KCNQ5: variants seen among roughly 807,000 people sequenced by gnomAD.
KCNQ5 encodes potassium voltage-gated channel subfamily Q member 5, also known as potassium voltage-gated channel subfamily KQT member 5.
In KCNQ5, 30 loss-of-function variants were observed where a neutral mutation model predicts 98.2. The observed-to-expected ratio is 0.31, with a 90% confidence interval of 0.23 to 0.41. The LOEUF (loss-of-function observed/expected upper bound fraction) is 0.41, where lower values mean the gene tolerates loss of function less well. Among genes scored for constraint, KCNQ5 ranks in the 10% least tolerant of loss-of-function variants. The pLI, the probability that KCNQ5 is intolerant of heterozygous loss-of-function variation, is 1.00. For missense variants in KCNQ5, 835 were observed against 1,182.5 expected (o/e 0.71, Z 4.31); for synonymous variants, 458 against 449.4 (o/e 1.02, Z -0.24).
chr6:73,118,182 C>T (rs1434781273), intron 7 of KCNQ5, among the ~76,000 whole-genome samples: 2 of 152,204 alleles, frequency 1.3e-5, no homozygotes, highest in Non-Finnish European at 2.9e-5. Flanking sequence ...TGTACCCCTT[C>T]GCAATCACTA....
chr6:72,754,081 G>C (rs1450519833), intron 1 of KCNQ5, among the ~76,000 whole-genome samples: 1 of 152,034 alleles, frequency 6.6e-6, no homozygotes, highest in African/African-American at 2.4e-5. Context: ...GGAATAATGA[G>C]AGCATTCTTG....
chr6:73,031,693 G>A (rs977132144), intron 2 of KCNQ5, among the ~76,000 whole-genome samples: 11 of 152,194 alleles, frequency 7.2e-5, no homozygotes, highest in Non-Finnish European at 4.4e-5. Flanking sequence ...CCTCGAGGGT[G>A]ACAGAACACA....
chr6:72,712,843 T>A (rs1026764825), intron 1 of KCNQ5, among the ~76,000 whole-genome samples: 1 of 152,206 alleles, frequency 6.6e-6, no homozygotes, highest in Non-Finnish European at 1.5e-5. Flanking sequence ...ATAATTAAGA[T>A]TCAGATGAGC....
At chr6:72,962,281 ATG>A (rs1160114192) in intron 1 of KCNQ5, among the ~76,000 whole-genome samples, 41 of 146,792 alleles carry the variant, frequency 2.8e-4, no homozygotes, top group African/African-American at 8.5e-4. Flanking sequence ...ATATATATAT[ATG>A]GGAGCTAAGC....
intron 1 of KCNQ5, among the ~76,000 whole-genome samples, chr6:72,932,571 C>T (rs1340007588): frequency 6.6e-6 from 1 of 152,058 alleles, no homozygotes; most frequent in Non-Finnish European, 1.5e-5. Flanking sequence ...TAAAAACAAA[C>T]TTTAAAGAGA....
At position 73,139,889 on chromosome 6, in the gene KCNQ5, G is replaced by A. The variant is rs565038406; in HGVS notation, c.1468+6248G>A. ...TTGGTGACTCCTTCTTCCTTCTGAA[G>A]TTAATAACTAACCCAGTCTCACCTA... On this transcript the variant is annotated intron_variant, in intron 10 of 13. Coordinates refer to ENST00000370398, the MANE Select transcript of KCNQ5 (RefSeq NM_019842.4). Among the ~76,000 whole-genome samples the A allele has an allele frequency of 2.2e-3, 341 of 152,144 alleles. 1 individual carries two copies. The highest frequency in any genetic ancestry group is 9.1e-3 in the South Asian group (44 of 4,822).
chr6:73,083,412 A>G (rs1295338078), intron 5 of KCNQ5, among the ~76,000 whole-genome samples: 1 of 152,192 alleles, frequency 6.6e-6, no homozygotes, highest in African/African-American at 2.4e-5. Flanking sequence ...TATGTGGGGG[A>G]AAAATCTTAA....
intron 1 of KCNQ5, among the ~76,000 whole-genome samples, chr6:72,933,892 A>AT (rs1765789934): frequency 1.3e-5 from 2 of 152,128 alleles, no homozygotes; most frequent in African/African-American, 2.4e-5. Context: ...ATCTCATAGA[A>AT]TTTTTTTCTT....
chr6:73,045,275 A>G (rs576476211), intron 3 of KCNQ5, among the ~76,000 whole-genome samples: 2 of 152,240 alleles, frequency 1.3e-5, no homozygotes, highest in South Asian at 4.1e-4. Context: ...ATAAGGGAAG[A>G]AATAAATCTA....
Position 72,805,123 on chromosome 6 carries a change from C to T in KCNQ5, c.398+182536C>T, listed in dbSNP as rs534347003. ...TCTCCCATTCTGTGGGTTGTCTCTT[C>T]ACTTTGTTGATTGTTTCCCTTGCTG... On this transcript the variant is annotated intron_variant, in intron 1 of 13. Coordinates refer to ENST00000370398, the MANE Select transcript of KCNQ5 (RefSeq NM_019842.4). Among the ~76,000 whole-genome samples the T allele has an allele frequency of 3.2e-4, 48 of 152,158 alleles. No individual in the cohort carries two copies. The South Asian group carries it at 1.0e-2, about 32-fold the overall frequency.
intron 1 of KCNQ5, among the ~76,000 whole-genome samples, chr6:72,836,387 T>A (rs1473095019): frequency 6.6e-6 from 1 of 152,182 alleles, no homozygotes; most frequent in Non-Finnish European, 1.5e-5. Flanking sequence ...TTATTGTATT[T>A]ATTAGAGCAA....
At chr6:72,754,503 T>C (rs892831528) in intron 1 of KCNQ5, among the ~76,000 whole-genome samples, 1 of 152,070 alleles carries the variant, frequency 6.6e-6, no homozygotes, top group Non-Finnish European at 1.5e-5. Flanking sequence ...TGGAGAAATA[T>C]TTAGTTGCCA....
At chr6:73,103,008 T>C (rs1189781672) in intron 5 of KCNQ5, among the ~76,000 whole-genome samples, 1 of 152,200 alleles carries the variant, frequency 6.6e-6, no homozygotes, top group East Asian at 1.9e-4. Flanking sequence ...CACTCTCATG[T>C]TTATTGCAGC....
At chr6:72,915,900 A>G (rs1427813104) in intron 1 of KCNQ5, among the ~76,000 whole-genome samples, 2 of 152,210 alleles carry the variant, frequency 1.3e-5, no homozygotes, top group African/African-American at 4.8e-5. Context: ...TTCATGAGGG[A>G]CATAGATGCT....
intron 5 of KCNQ5, among the ~76,000 whole-genome samples, chr6:73,095,523 G>A (rs1774444974): frequency 1.3e-5 from 2 of 152,150 alleles, no homozygotes; most frequent in Admixed American, 1.3e-4. Context: ...AACAGAATCG[G>A]TTTCTGGTTC....
At chr6:72,912,681 A>G (rs1779988952) in intron 1 of KCNQ5, among the ~76,000 whole-genome samples, 1 of 152,212 alleles carries the variant, frequency 6.6e-6, no homozygotes, top group African/African-American at 2.4e-5. Flanking sequence ...TTTTCTTTTA[A>G]GTCTAGCACA....
Position 72,923,583 on chromosome 6 carries a change from T to C in KCNQ5, c.399-80325T>C, listed in dbSNP as rs148930254. ...TGCCCATTTGTTGCAGTTTTTAAAA[T>C]TTCAACTTAAATTTTAGATACAGAG... On this transcript the variant is annotated intron_variant, in intron 1 of 13. Transcript: ENST00000370398. 1.8e-3 allele frequency among the ~76,000 whole-genome samples: 278 copies of C among 152,308 alleles called. 2 individuals are homozygous for C. The highest frequency in any genetic ancestry group is 6.2e-3 in the African/African-American group (259 of 41,582).
intron 9 of KCNQ5, among the ~76,000 whole-genome samples, chr6:73,125,756 T>C (rs1190461876): frequency 6.6e-6 from 1 of 152,174 alleles, no homozygotes; most frequent in African/African-American, 2.4e-5. Flanking sequence ...CGATAGGATA[T>C]ACAACATCAG....
intron 1 of KCNQ5, among the ~76,000 whole-genome samples, chr6:72,829,206 C>T (rs1192175688): frequency 2.0e-5 from 3 of 152,020 alleles, no homozygotes; most frequent in Admixed American, 6.6e-5. Context: ...GCAGCAGGAC[C>T]GCTTATGGAG....
Sources: allele counts gnomAD v4.1 joint callset (sites outside exome capture counted in the v4.1 genomes callset), GRCh38; gene constraint gnomAD v4.1.1; transcripts MANE v1.5; gene names NCBI Gene and HGNC (gene_info 2026-07-23, HGNC 2026-07-21).